ITSN2: variants seen among roughly 807,000 people sequenced by gnomAD.
The protein encoded by ITSN2 is intersectin-2.
A neutral mutation model predicts 243.7 loss-of-function variants in ITSN2; 156 were observed. The observed-to-expected ratio is 0.64, with a 90% confidence interval of 0.56 to 0.73. The LOEUF is 0.73. Among genes scored for constraint, ITSN2 ranks in the 30% least tolerant of loss-of-function variants. The probability of loss-of-function intolerance (pLI) is 0.00; values close to 1 mark genes in which losing one functional copy is unlikely to be tolerated. For missense variants in ITSN2, 1,801 were observed against 1,996.1 expected, an observed-to-expected ratio of 0.90 and a Z score of 1.86; for synonymous variants, 703 against 699.9, an observed-to-expected ratio of 1.00 and a Z score of -0.07.
chr2:24,330,681 T>A, intron 1 of ITSN2: 1 of 713,996 alleles, frequency 1.4e-6, no homozygotes, highest in Non-Finnish European at 2.6e-6. Flanking sequence ...GTGAAGTGTG[T>A]GTATTTTTTA....
At chr2:24,356,055 C>G (rs1262803073) in intron 1 of ITSN2, among the ~76,000 whole-genome samples, 1 of 152,100 alleles carries the variant, frequency 6.6e-6, no homozygotes, top group Non-Finnish European at 1.5e-5. Flanking sequence ...CAAAAATTAG[C>G]TGGGCATGGT....
chr2:24,275,966 A>T (rs1677961520), intron 17 of ITSN2, 117 bp from the exon 18 acceptor site: 1 of 715,776 alleles, frequency 1.4e-6, no homozygotes, highest in East Asian at 3.0e-5. Flanking sequence ...AACTAAATTT[A>T]AAATATTTAA....
intron 14 of ITSN2, among the ~76,000 whole-genome samples, chr2:24,295,335 C>T (rs1680808865): frequency 6.6e-6 from 1 of 152,186 alleles, no homozygotes; most frequent in African/African-American, 2.4e-5. Context: ...GAGATGGAAT[C>T]TCGCTCTATC....
intron 1 of ITSN2, among the ~76,000 whole-genome samples, chr2:24,357,098 T>A (rs1206485175): frequency 6.6e-6 from 1 of 152,104 alleles, no homozygotes; most frequent in Non-Finnish European, 1.5e-5. Flanking sequence ...ACCAGAAATA[T>A]CATTTGACCC....
In ITSN2 at chr2:24,216,203, C is replaced by A. The variant is rs1285287175; in HGVS notation, c.3836G>T (p.Gly1279Val). Residue 1279 changes from glycine (G) to valine (V), a missense_variant, in exon 32 of 40, where the codon GGC becomes GTC. Physicochemically the swap from Gly to Val is moderately radical, Grantham distance 109. Transcript: ENST00000355123. ...KALRVRKKTG[G>V]EKMPVQMIGD... ...AATCATCTGCACCGGCATCTTCTCG[C>A]CCCCGGTCTTCTTCCGCACCCGCAA... 6.2e-7 allele frequency: 1 copy of A among 1,606,446 alleles called. No individual in the cohort carries two copies. Among genetic ancestry groups the A allele is most frequent in the South Asian group, 1.1e-5 (1 of 89,912 alleles).
Position 24,251,328 on chromosome 2 carries a change from A to AAAAAAAAAAAAAAT in ITSN2, c.3120+1016_3120+1017insATTTTTTTTTTTTT, listed in dbSNP as rs1358585681. Among the ~76,000 whole-genome samples, 2 of 6,978 alleles carry AAAAAAAAAAAAAAT rather than the reference A, an allele frequency of 2.9e-4. 1 individual carries two copies. Among genetic ancestry groups the AAAAAAAAAAAAAAT allele is most frequent in the Non-Finnish European group, 6.5e-4 (2 of 3,076 alleles). The allele number at this position is 6,978 out of a possible 152,430, so 4.6% of individuals were successfully genotyped here. A position where few individuals can be genotyped will look rare whatever the true frequency, so the allele number is the denominator to read the frequency against. On this transcript the variant is annotated intron_variant, in intron 25 of 39. Transcript: ENST00000355123. Reference sequence around the variant, plus strand: ...CCATCTCAAAAAAAAAAAAAAATAAAATATATATATATATATATATGTGTG... The same window carrying AAAAAAAAAAAAAAT: ...CCATCTCAAAAAAAAAAAAAAATAAAAAAAAAAAAAAAATATATATATATATATATATATGTGTG...
In ITSN2 at chr2:24,212,711, A is replaced by G. The variant is rs1400053540; in HGVS notation, c.4028T>C (p.Leu1343Pro). The G allele has an allele frequency of 6.2e-7, 1 of 1,613,798 alleles. No individual in the cohort carries two copies. Among genetic ancestry groups the G allele is most frequent in the East Asian group, 2.2e-5 (1 of 44,864 alleles). Residue 1343 changes from leucine (L) to proline (P), a missense_variant, in exon 33 of 40, where the codon CTC becomes CCC. Physicochemically the swap from Leu to Pro is moderately conservative, Grantham distance 98. Around this residue, in one of 5 missense-constraint regions of ITSN2, gnomAD observed 928 missense variants for 1,065.4 expected, o/e 0.87. Coordinates refer to ENST00000355123, the MANE Select transcript of ITSN2 (RefSeq NM_006277.3). ...CATGGGTTTCAGCAGGAAGCTGGAG[A>G]GGGGCATTCCTTTACACCGCGGGTC... ...ASDPRCKGMP[L>P]SSFLLKPMQR...
At chr2:24,256,207 G>A (rs1375463692) in intron 23 of ITSN2, among the ~76,000 whole-genome samples, 3 of 152,224 alleles carry the variant, frequency 2.0e-5, no homozygotes, top group African/African-American at 7.2e-5. Context: ...CTGGCCGAAA[G>A]AGCGAGACTC....
intron 2 of ITSN2, 143 bp from the exon 3 acceptor site, chr2:24,315,367 C>G: frequency 2.0e-6 from 1 of 503,318 alleles, no homozygotes; most frequent in Non-Finnish European, 3.5e-6. Context: ...TCTATCATAA[C>G]CATACATAGC....
chr2:24,224,606 C>CT (rs1239999045), intron 29 of ITSN2, among the ~76,000 whole-genome samples: 1 of 151,720 alleles, frequency 6.6e-6, no homozygotes, highest in Non-Finnish European at 1.5e-5. Flanking sequence ...CTAGCTGACC[C>CT]TTTTGCATTT....
intron 15 of ITSN2, among the ~76,000 whole-genome samples, chr2:24,290,664 C>A (rs1470749616): frequency 6.6e-6 from 1 of 152,116 alleles, no homozygotes; most frequent in African/African-American, 2.4e-5. Context: ...CGGTAAAGAG[C>A]TCCTCTGCAA....
At chr2:24,315,084 T>C in intron 3 of ITSN2, 48 bp downstream of exon 3, 2 of 887,462 alleles carry the variant, frequency 2.3e-6, no homozygotes, top group Non-Finnish European at 1.7e-6. Flanking sequence ...TTCTTAGATA[T>C]CACATAAGGA....
intron 29 of ITSN2, chr2:24,238,882 TTAAAAG>T (rs1413485121): frequency 6.6e-6 from 1 of 152,134 alleles, no homozygotes; most frequent in Non-Finnish European, 1.5e-5. Context: ...ATAAAAACAA[TTAAAAG>T]TAAGTTTTAA....
chr2:24,241,391 G>A (rs553623243), intron 29 of ITSN2: 2 of 152,218 alleles, frequency 1.3e-5, no homozygotes. Context: ...TACACACGCT[G>A]CAGCACATGA....
At chr2:24,337,356 A>ACATAT (rs1261225154) in intron 1 of ITSN2, among the ~76,000 whole-genome samples, 1 of 117,444 alleles carries the variant, frequency 8.5e-6, no homozygotes, top group Non-Finnish European at 1.8e-5. Context: ...ATATATATGT[A>ACATAT]ATTTTTTTTT....
intron 31 of ITSN2, among the ~76,000 whole-genome samples, chr2:24,217,000 C>T (rs1003878266): frequency 2.0e-5 from 3 of 149,596 alleles, no homozygotes; most frequent in Middle Eastern, 3.5e-3. Flanking sequence ...AGGAGAATGG[C>T]GTGAACCCGG....
intron 17 of ITSN2, among the ~76,000 whole-genome samples, chr2:24,282,149 C>T (rs886254702): frequency 2.6e-5 from 4 of 152,200 alleles, no homozygotes; most frequent in Admixed American, 2.0e-4. Flanking sequence ...CCATCCTGTG[C>T]CTACAAAAAC....
intron 7 of ITSN2, among the ~76,000 whole-genome samples, chr2:24,309,915 GA>G (rs1683043227): frequency 6.6e-6 from 1 of 152,078 alleles, no homozygotes; most frequent in Non-Finnish European, 1.5e-5. Flanking sequence ...AAATTTAAAA[GA>G]TATCCAATTA....
chr2:24,298,731 T>G lies in ITSN2; in HGVS notation c.1428A>C (p.Arg476Ser), dbSNP rs1445410527. 2 of 1,613,120 alleles carry G rather than the reference T, an allele frequency of 1.2e-6. No individual in the cohort carries two copies. Among genetic ancestry groups the G allele is most frequent in the Admixed American group, 3.3e-5 (2 of 59,914 alleles). The change falls in exon 13 of 40, where the codon AGA becomes AGC. Residue 476 changes from arginine to serine, a missense_variant. Transcript: ENST00000355123. ...RRQELLNQKN[R>S]EQEEIVRLNS... ...TTAACCTGACAATTTCTTCTTGTTC[T>G]CTATTCTTTTGATTGAGAAGCTCCT...
Sources: gnomAD v4.1 joint callset for allele counts (sites outside exome capture counted in the v4.1 genomes callset) on GRCh38, gnomAD v4.1.1 for gene constraint, gnomAD v4.1.1 regional missense constraint, MANE v1.5 for transcripts, NCBI Gene and HGNC (gene_info 2026-07-23, HGNC 2026-07-21) for gene names.